The following TRPM3 variants were observed in gnomAD, a reference collection of about 807,000 sequenced individuals.
TRPM3 encodes the protein transient receptor potential cation channel subfamily M member 3.
TRPM3 carries 77 observed loss-of-function variants against 181.2 expected under a neutral mutation model. The ratio of observed to expected loss-of-function variants is 0.42; its 90% CI spans 0.35 to 0.51. The LOEUF is 0.51. Among genes scored for constraint, TRPM3 ranks in the 20% least tolerant of loss-of-function variants. The pLI is 0.01. For missense variants in TRPM3, 1,759 were observed against 2,196.7 expected, an observed-to-expected ratio of 0.80 and a Z score of 3.98; for synonymous variants, 745 against 796.4, an observed-to-expected ratio of 0.94 and a Z score of 1.09.
rs1179173184 is a variant in TRPM3 at position 70,610,748 on chromosome 9, G to C, written c.2528C>G (p.Ala843Gly). The C allele has an allele frequency of 6.2e-7, 1 of 1,614,056 alleles. No individual in the cohort carries two copies. ...CTCCCCGTTGTTTCGTCCCAACATT[G>C]CCTATGTTGGAAGAGAATCGATACC... ...EKEEEDMELT[A>G]MLGRNNGESS... The change falls in exon 19 of 26, where the codon GCA becomes GGA. Residue 843 changes from alanine (A) to glycine (G), a missense_variant and splice_region_variant. Around this residue, in one of 8 missense-constraint regions of TRPM3, gnomAD observed 114 missense variants for 134.8 expected, o/e 0.85. Transcript: ENST00000677713.
intron 1 of TRPM3, among the ~76,000 whole-genome samples, chr9:71,363,298 C>T (rs2092223933): frequency 6.6e-6 from 1 of 152,188 alleles, no homozygotes; most frequent in Non-Finnish European, 1.5e-5. Flanking sequence ...TTAAGTCATG[C>T]CCATACTAGT....
chr9:71,124,533 C>T (rs547622), upstream of TRPM3, among the ~76,000 whole-genome samples: 71,162 of 151,940 alleles, frequency 0.47, 16,775 homozygotes, highest in South Asian at 0.5. Flanking sequence ...TTTGAGCCAA[C>T]TCTAATTCTC....
intron 25 of TRPM3, 34 bp from the exon 26 acceptor site, chr9:70,537,439 C>T: frequency 7.1e-7 from 1 of 1,412,444 alleles, no homozygotes; most frequent in Non-Finnish European, 9.2e-7. Context: ...AGTCACTCGG[C>T]CTGGTTCCTC....
chr9:70,636,860 G>A (rs1358630385), intron 11 of TRPM3, among the ~76,000 whole-genome samples: 2 of 151,960 alleles, frequency 1.3e-5, no homozygotes, highest in Non-Finnish European at 2.9e-5. Flanking sequence ...GCTAAATTTT[G>A]TATTTTTAGT....
At chr9:71,422,557 T>C (rs1024970642) in intron 1 of TRPM3, among the ~76,000 whole-genome samples, 1 of 152,088 alleles carries the variant, frequency 6.6e-6, no homozygotes, top group Non-Finnish European at 1.5e-5. Context: ...GAAATGTAGT[T>C]TGAAAATCAC....
At chr9:71,198,318 T>G (rs1587904954) in intron 1 of TRPM3, among the ~76,000 whole-genome samples, 1 of 151,858 alleles carries the variant, frequency 6.6e-6, no homozygotes, top group Non-Finnish European at 1.5e-5. Flanking sequence ...TGCCTCCAGC[T>G]TTGTTCTTTT....
At chr9:70,971,145 C>T (rs1011129982) in intron 1 of TRPM3, among the ~76,000 whole-genome samples, 1 of 152,068 alleles carries the variant, frequency 6.6e-6, no homozygotes, top group Non-Finnish European at 1.5e-5. Context: ...ATCTGAAAAA[C>T]ACTGAATTAT....
At chr9:70,919,802 C>T (rs1173950809) in intron 1 of TRPM3, among the ~76,000 whole-genome samples, 1 of 147,102 alleles carries the variant, frequency 6.8e-6, no homozygotes, top group Non-Finnish European at 1.5e-5. Flanking sequence ...AAAAAAAAAT[C>T]TTCCATCCCA....
chr9:71,441,880 C>T (rs888297594), intron 1 of TRPM3, among the ~76,000 whole-genome samples: 7 of 152,166 alleles, frequency 4.6e-5, no homozygotes, highest in South Asian at 4.1e-4. Context: ...ATCCACCCGC[C>T]TCGGCCTCCC....
At chr9:71,184,201 T>A (rs1456126175) in intron 1 of TRPM3, among the ~76,000 whole-genome samples, 1 of 152,102 alleles carries the variant, frequency 6.6e-6, no homozygotes, top group African/African-American at 2.4e-5. Flanking sequence ...TGCTATTACC[T>A]AAGAACAACA....
intron 21 of TRPM3, among the ~76,000 whole-genome samples, chr9:70,596,890 A>T (rs977338786): frequency 6.6e-6 from 1 of 152,050 alleles, no homozygotes; most frequent in African/African-American, 2.4e-5. Flanking sequence ...AGGCTCCCAG[A>T]TAGCTGGGAT....
chr9:71,096,848 T>C (rs1273104381), intron 1 of TRPM3, among the ~76,000 whole-genome samples: 5 of 152,226 alleles, frequency 3.3e-5, no homozygotes, highest in Middle Eastern at 3.4e-3. Context: ...TGGCACTATT[T>C]GCAAGAACAT....
At position 71,383,018 on chromosome 9, in the gene TRPM3, G is replaced by A. The variant is rs187468809; in HGVS notation, c.183+63635C>T. Among the ~76,000 whole-genome samples the A allele has an allele frequency of 2.7e-3, 417 of 152,122 alleles. 2 individuals are homozygous for A. Among genetic ancestry groups the A allele is most frequent in the Admixed American group, 4.7e-3 (72 of 15,262 alleles). The stretch of plus-strand genomic sequence containing the variant: ...ATATTGTATGCTCTAGGCGGATGCT[G>A]GATAAATGATTGTCAACAATGAGAA... On this transcript the variant is annotated intron_variant, in intron 1 of 24. Transcript: ENST00000357533.
chr9:70,740,060 A>G (rs1401974697), intron 8 of TRPM3, among the ~76,000 whole-genome samples: 1 of 152,194 alleles, frequency 6.6e-6, no homozygotes, highest in Non-Finnish European at 1.5e-5. Context: ...ATGATCATAT[A>G]CCTAGAAAAC....
In TRPM3 at chr9:70,954,012, G is replaced by A. The variant is rs535375434; in HGVS notation, c.178-89501C>T. ...CTGGGGCATCAGAAACATCCCTGAA[G>A]AAATTACATCCACCTCCAAAAATAC... On this transcript the variant is annotated intron_variant, in intron 1 of 25. Coordinates refer to ENST00000677713, the MANE Select transcript of TRPM3 (RefSeq NM_001366145.2). 9.0e-4 allele frequency among the ~76,000 whole-genome samples: 137 copies of A among 152,250 alleles called. 1 individual carries two copies. Among genetic ancestry groups the A allele is most frequent in the Non-Finnish European group, 1.4e-3 (96 of 68,004 alleles).
chr9:71,446,308 T>C (rs1266372954), intron 1 of TRPM3, among the ~76,000 whole-genome samples: 1 of 152,166 alleles, frequency 6.6e-6, no homozygotes, highest in Non-Finnish European at 1.5e-5. Flanking sequence ...AGACAGACCC[T>C]TGGGAACGTA....
At chr9:70,901,433 A>G (rs551237225) in intron 1 of TRPM3, among the ~76,000 whole-genome samples, 9 of 152,154 alleles carry the variant, frequency 5.9e-5, no homozygotes, top group Non-Finnish European at 1.2e-4. Flanking sequence ...AATTATTAAT[A>G]TAACAGTTAA....
At chr9:71,183,548 T>A (rs1457227078) in intron 1 of TRPM3, among the ~76,000 whole-genome samples, 1 of 152,130 alleles carries the variant, frequency 6.6e-6, no homozygotes, top group Non-Finnish European at 1.5e-5. Flanking sequence ...ATAATATTTA[T>A]TATTATATAC....
At chr9:71,123,457 C>G (rs888086902), upstream of TRPM3, among the ~76,000 whole-genome samples, 4 of 152,098 alleles carry the variant, frequency 2.6e-5, no homozygotes, top group Non-Finnish European at 5.9e-5. Flanking sequence ...GTTGTGAGGA[C>G]TAAATAAGCT....
Sources: gnomAD v4.1 joint callset for allele counts (sites outside exome capture counted in the v4.1 genomes callset) on GRCh38, gnomAD v4.1.1 for gene constraint, gnomAD v4.1.1 regional missense constraint, MANE v1.5 for transcripts, NCBI Gene and HGNC (gene_info 2026-07-23, HGNC 2026-07-21) for gene names.